The following PLPP4 variants were observed in gnomAD, a reference collection of about 807,000 sequenced individuals.
The protein encoded by PLPP4 is diacylglycerol pyrophosphate like 2.
PLPP4 carries 20 observed loss-of-function variants against 32.2 expected under a neutral mutation model. That is an observed-to-expected ratio of 0.62 (90% CI 0.44 to 0.90). The LOEUF is 0.90. PLPP4 is among the 40% of genes least tolerant of loss of function. The pLI is 0.00. For missense variants in PLPP4, 257 were observed against 353.1 expected (o/e 0.73, Z 2.18); for synonymous variants, 127 against 133.0 (o/e 0.95, Z 0.31).
At chr10:120,518,147 T>C (rs568357907) in intron 3 of PLPP4, among the ~76,000 whole-genome samples, 24 of 152,334 alleles carry the variant, frequency 1.6e-4, no homozygotes, top group Admixed American at 1.6e-3. Context: ...GGACAATCTG[T>C]GCTGCATCTG....
At chr10:120,542,310 G>A (rs1847382874) in intron 5 of PLPP4, among the ~76,000 whole-genome samples, 1 of 152,208 alleles carries the variant, frequency 6.6e-6, no homozygotes, top group Non-Finnish European at 1.5e-5. Flanking sequence ...TAAACAGTGG[G>A]GACAGAAGGT....
At chr10:120,584,433 T>C (rs56719061) in intron 6 of PLPP4, among the ~76,000 whole-genome samples, 1 of 152,216 alleles carries the variant, frequency 6.6e-6, no homozygotes. Flanking sequence ...GTTCAGCCTG[T>C]GTCCTAGGCT....
intron 1 of PLPP4, among the ~76,000 whole-genome samples, chr10:120,476,589 C>T (rs1843926287): frequency 6.6e-6 from 1 of 152,128 alleles, no homozygotes; most frequent in African/African-American, 2.4e-5. Flanking sequence ...CCCAGCTTCC[C>T]ACATACTGGC....
At chr10:120,526,837 T>G (rs1846414914) in intron 5 of PLPP4, among the ~76,000 whole-genome samples, 1 of 152,196 alleles carries the variant, frequency 6.6e-6, no homozygotes, top group Admixed American at 6.5e-5. Context: ...CTGCAGTACC[T>G]GGTGCCTTTA....
intron 4 of PLPP4, 103 bp from the exon 5 acceptor site, chr10:120,520,868 G>C: frequency 6.4e-6 from 9 of 1,412,586 alleles, no homozygotes; most frequent in Non-Finnish European, 8.9e-6. Context: ...AGCCAAGGGG[G>C]CTGAGGAAAG....
At chr10:120,563,050 G>A (rs971643241) in intron 5 of PLPP4, among the ~76,000 whole-genome samples, 10 of 152,104 alleles carry the variant, frequency 6.6e-5, no homozygotes, top group Non-Finnish European at 4.4e-5. Flanking sequence ...GACCAGCCTG[G>A]CCAAATGGAG....
At chr10:120,507,364 CATCATCATCATCATCATCATCATT>C (rs1845539869) in intron 2 of PLPP4, among the ~76,000 whole-genome samples, 1 of 151,394 alleles carries the variant, frequency 6.6e-6, no homozygotes, top group South Asian at 2.1e-4. Flanking sequence ...TCATCATTAT[CATCATCATCATCATCATCATCATT>C]ATCATCATCA....
chr10:120,562,040 A>T (rs1022696908), intron 5 of PLPP4, among the ~76,000 whole-genome samples: 1 of 152,172 alleles, frequency 6.6e-6, no homozygotes, highest in East Asian at 1.9e-4. Flanking sequence ...CTAGGGTTCA[A>T]TTTGGGGAGA....
At chr10:120,489,754 T>A (rs1044262511) in intron 1 of PLPP4, among the ~76,000 whole-genome samples, 21 of 152,032 alleles carry the variant, frequency 1.4e-4, no homozygotes, top group South Asian at 1.0e-3. Flanking sequence ...AAAAAAAAAA[T>A]TTTAACATGG....
At chr10:120,585,820 C>T (rs11596765) in intron 6 of PLPP4, among the ~76,000 whole-genome samples, 47,099 of 151,990 alleles carry the variant, frequency 0.31, 7,392 homozygotes, top group African/African-American at 0.33. Context: ...GATCTGCTGC[C>T]TCCTTTTCTT....
At chr10:120,469,853 G>C (rs1848441455) in intron 1 of PLPP4, among the ~76,000 whole-genome samples, 1 of 151,996 alleles carries the variant, frequency 6.6e-6, no homozygotes, top group Non-Finnish European at 1.5e-5. Flanking sequence ...TTTTTTACTG[G>C]GTGTGTGGTG....
At chr10:120,501,938 T>G (rs1384237733) in intron 1 of PLPP4, among the ~76,000 whole-genome samples, 1 of 152,024 alleles carries the variant, frequency 6.6e-6, no homozygotes, top group Non-Finnish European at 1.5e-5. Context: ...GTAGCTCAGT[T>G]GGTGAGCTGG....
intron 2 of PLPP4, among the ~76,000 whole-genome samples, chr10:120,508,470 C>T (rs1423846609): frequency 2.0e-5 from 3 of 152,174 alleles, no homozygotes; most frequent in Non-Finnish European, 2.9e-5. Context: ...CTAACACCCT[C>T]GCATCGAGGC....
chr10:120,536,146 T>C (rs1847007411), intron 5 of PLPP4, among the ~76,000 whole-genome samples: 1 of 152,026 alleles, frequency 6.6e-6, no homozygotes, highest in Non-Finnish European at 1.5e-5. Context: ...ACAATCTCTA[T>C]CAAAATTCCA....
intron 5 of PLPP4, among the ~76,000 whole-genome samples, chr10:120,562,818 T>C (rs1848497606): frequency 6.6e-6 from 1 of 152,238 alleles, no homozygotes; most frequent in African/African-American, 2.4e-5. Flanking sequence ...TTGAGTAATA[T>C]TGGTTGGTAA....
intron 5 of PLPP4, among the ~76,000 whole-genome samples, chr10:120,531,714 C>G (rs1846731873): frequency 6.6e-6 from 1 of 151,898 alleles, no homozygotes; most frequent in Non-Finnish European, 1.5e-5. Flanking sequence ...ACTTTGGTGC[C>G]TTTGCAAAAA....
intron 1 of PLPP4, among the ~76,000 whole-genome samples, chr10:120,461,068 A>G (rs1334012375): frequency 1.3e-5 from 2 of 152,144 alleles, no homozygotes; most frequent in Non-Finnish European, 2.9e-5. Flanking sequence ...GCAAGTACAC[A>G]TTGCCTGGAG....
rs1413854380 is a variant in PLPP4 at position 120,589,578 on chromosome 10, T to C, written c.*76T>C. ...GACATCATAACACAATAGAAATGGT[T>C]TTCTGTAGTGTATTTTTCATCAGTT... On this transcript the variant is annotated 3_prime_UTR_variant, in exon 7 of 7. Transcript: ENST00000398250. 1.3e-5 allele frequency: 15 copies of C among 1,158,066 alleles called. No homozygotes were observed. The highest frequency in any genetic ancestry group is 1.8e-5 in the Non-Finnish European group (15 of 812,110). The allele number at this position is 1,158,066 out of a possible 1,614,324, so 71.7% of individuals were successfully genotyped here.
chr10:120,577,184 CTT>C (rs1010654405), intron 6 of PLPP4, among the ~76,000 whole-genome samples: 1 of 151,562 alleles, frequency 6.6e-6, no homozygotes, highest in Non-Finnish European at 1.5e-5. Flanking sequence ...TGGAGACAGA[CTT>C]TTTTTTTGGA....
Sources: allele counts gnomAD v4.1 joint callset (sites outside exome capture counted in the v4.1 genomes callset), GRCh38; gene constraint gnomAD v4.1.1; transcripts MANE v1.5; gene names NCBI Gene and HGNC (gene_info 2026-07-23, HGNC 2026-07-21).